The following SUPT3H variants were observed in gnomAD, a reference collection of about 807,000 sequenced individuals.
SUPT3H encodes SPT3 homolog, SAGA and STAGA complex component, also known as transcription initiation protein SPT3 homolog.
A neutral mutation model predicts 44.3 loss-of-function variants in SUPT3H; 44 were observed. That is an observed-to-expected ratio of 0.99 (90% CI 0.78 to 1.28). The LOEUF (loss-of-function observed/expected upper bound fraction) is 1.28, where lower values mean the gene tolerates loss of function less well. SUPT3H is among the 50% of genes most tolerant of loss of function. The pLI is 0.00. For synonymous variants in SUPT3H, 124 were observed against 125.6 expected (o/e 0.99, Z 0.09); for missense variants, 380 against 387.1 (o/e 0.98, Z 0.15).
chr6:44,859,746 C>T, intron 10 of SUPT3H, among the ~76,000 whole-genome samples: 1 of 152,150 alleles, frequency 6.6e-6, no homozygotes, highest in East Asian at 1.9e-4. Flanking sequence ...TATCTTTTAA[C>T]TATTTTTCTA....
At chr6:45,017,106 A>T (rs1309875006) in intron 4 of SUPT3H, among the ~76,000 whole-genome samples, 8 of 151,722 alleles carry the variant, frequency 5.3e-5, no homozygotes, top group Non-Finnish European at 1.0e-4. Flanking sequence ...GATGATGAAC[A>T]TTTTTTTCAT....
At chr6:44,877,943 C>G (rs73438898) in intron 10 of SUPT3H, among the ~76,000 whole-genome samples, 17,711 of 152,166 alleles carry the variant, frequency 0.12, 1,219 homozygotes, top group African/African-American at 0.19. Flanking sequence ...GGAACCTGAT[C>G]CTGTTTGTAA....
intron 10 of SUPT3H, among the ~76,000 whole-genome samples, chr6:44,888,473 A>G (rs530489127): frequency 2.6e-5 from 4 of 152,324 alleles, no homozygotes; most frequent in East Asian, 1.9e-4. Flanking sequence ...ACGCAAATCA[A>G]TAAAAGTAAT....
chr6:45,144,079 A>G (rs1805652426), intron 2 of SUPT3H, among the ~76,000 whole-genome samples: 1 of 152,194 alleles, frequency 6.6e-6, no homozygotes, highest in Non-Finnish European at 1.5e-5. Context: ...AAATAAGTCC[A>G]GGAGCAGATG....
chr6:45,347,071 C>G (rs1791035709), intron 2 of SUPT3H, among the ~76,000 whole-genome samples: 1 of 152,050 alleles, frequency 6.6e-6, no homozygotes, highest in South Asian at 2.1e-4. Context: ...AAATTGAACA[C>G]ATTTTAAATA....
At chr6:45,372,944 A>C (rs2396503) in intron 1 of SUPT3H, among the ~76,000 whole-genome samples, 2 of 152,042 alleles carry the variant, frequency 1.3e-5, no homozygotes, top group Non-Finnish European at 2.9e-5. Context: ...CAGCCTCCCA[A>C]GTAGCAGGTG....
chr6:45,167,952 T>A (rs1438918795), intron 2 of SUPT3H, among the ~76,000 whole-genome samples: 2 of 151,878 alleles, frequency 1.3e-5, no homozygotes, highest in Non-Finnish European at 2.9e-5. Flanking sequence ...GCTGGGATTA[T>A]GGGAATGTGC....
intron 2 of SUPT3H, among the ~76,000 whole-genome samples, chr6:45,141,230 C>T (rs1042095220): frequency 2.0e-5 from 3 of 150,170 alleles, no homozygotes; most frequent in Non-Finnish European, 4.4e-5. Flanking sequence ...ATCCCAGCTA[C>T]TCAGGAGGCT....
At chr6:45,288,342 T>C (rs1458362381) in intron 2 of SUPT3H, among the ~76,000 whole-genome samples, 1 of 151,976 alleles carries the variant, frequency 6.6e-6, no homozygotes, top group Non-Finnish European at 1.5e-5. Flanking sequence ...TTTGAATCAG[T>C]AACAGTGGTT....
chr6:44,871,008 A>G (rs1411099028), intron 10 of SUPT3H, among the ~76,000 whole-genome samples: 2 of 150,446 alleles, frequency 1.3e-5, no homozygotes, highest in Non-Finnish European at 3.0e-5. Context: ...TGCCCACGGA[A>G]TCTCGCTGAT....
At chr6:45,243,020 C>T (rs1770649070) in intron 2 of SUPT3H, among the ~76,000 whole-genome samples, 1 of 151,572 alleles carries the variant, frequency 6.6e-6, no homozygotes, top group African/African-American at 2.4e-5. Context: ...ATGGTGAAAC[C>T]CTGTCTCTAC....
Position 45,062,601 on chromosome 6 carries a change from C to G in SUPT3H, c.187-41969G>C, listed in dbSNP as rs566239890. ...GACAGTGGGCGCAGGCCAGTGGGTG[C>G]GCGCACCATGCGCAAGCCGAAGCAG... On this transcript the variant is annotated intron_variant, in intron 3 of 10. Transcript: ENST00000371459. Among the ~76,000 whole-genome samples the G allele has an allele frequency of 3.9e-3, 592 of 152,214 alleles. 7 individuals are homozygous for G. The highest frequency in any genetic ancestry group is 0.014 in the African/African-American group (565 of 41,544).
At chr6:45,330,893 T>C (rs531540860) in intron 2 of SUPT3H, among the ~76,000 whole-genome samples, 1 of 152,114 alleles carries the variant, frequency 6.6e-6, no homozygotes, top group Admixed American at 6.6e-5. Flanking sequence ...TGTTATCACA[T>C]TGCAAACATT....
chr6:44,850,767 T>TCTATCTAG (rs1328284529), intron 10 of SUPT3H, among the ~76,000 whole-genome samples: 1 of 151,946 alleles, frequency 6.6e-6, no homozygotes, highest in East Asian at 1.9e-4. Flanking sequence ...TATCTATCTA[T>TCTATCTAG]CTATCTATCT....
chr6:44,973,040 C>G (rs914098323), intron 6 of SUPT3H, among the ~76,000 whole-genome samples: 4 of 152,164 alleles, frequency 2.6e-5, no homozygotes, highest in African/African-American at 9.7e-5. Context: ...CTGCAGCAGG[C>G]TTGAGTTTCT....
intron 2 of SUPT3H, among the ~76,000 whole-genome samples, chr6:45,156,444 C>T (rs771357469): frequency 6.6e-6 from 1 of 152,118 alleles, no homozygotes; most frequent in African/African-American, 2.4e-5. Flanking sequence ...ATAACCTTTG[C>T]TGTCACATTT....
chr6:44,810,689 C>T (rs1486373035), intron 11 of SUPT3H, among the ~76,000 whole-genome samples: 2 of 151,654 alleles, frequency 1.3e-5, no homozygotes, highest in African/African-American at 2.4e-5. Context: ...AGGTGGATCA[C>T]GAGGTCAGGA....
chr6:45,273,722 T>C (rs149208120), intron 2 of SUPT3H, among the ~76,000 whole-genome samples: 1 of 152,340 alleles, frequency 6.6e-6, no homozygotes, highest in Non-Finnish European at 1.5e-5. Flanking sequence ...AGGTAACAAA[T>C]ATTTGGGTCA....
intron 10 of SUPT3H, among the ~76,000 whole-genome samples, chr6:44,923,768 G>C (rs968248864): frequency 2.0e-5 from 3 of 151,878 alleles, no homozygotes; most frequent in Non-Finnish European, 4.4e-5. Context: ...TTGCTGCAGA[G>C]AGTTTAAATG....
Sources: gnomAD v4.1 joint callset for allele counts (sites outside exome capture counted in the v4.1 genomes callset) on GRCh38, gnomAD v4.1.1 for gene constraint, MANE v1.5 for transcripts, NCBI Gene and HGNC (gene_info 2026-07-23, HGNC 2026-07-21) for gene names.